Variants in ERBB4 observed in about 807,000 individuals in gnomAD.
The protein encoded by ERBB4 is erb-b2 receptor tyrosine kinase 4.
In ERBB4, 42 loss-of-function variants were observed where a neutral mutation model predicts 158.0. That is an observed-to-expected ratio of 0.27 (90% CI 0.21 to 0.34). The LOEUF (loss-of-function observed/expected upper bound fraction) is 0.34. Among genes scored for constraint, ERBB4 ranks in the 10% least tolerant of loss-of-function variants. ERBB4 has a pLI of 1.00. For synonymous variants in ERBB4, 583 were observed against 558.7 expected, an observed-to-expected ratio of 1.04 and a Z score of -0.61; for missense variants, 1,333 against 1,624.1, an observed-to-expected ratio of 0.82 and a Z score of 3.08.
intron 13 of ERBB4, among the ~76,000 whole-genome samples, chr2:211,677,042 T>C (rs1311218216): frequency 1.3e-5 from 2 of 152,186 alleles, no homozygotes; most frequent in Non-Finnish European, 2.9e-5. Context: ...TTTAAAATTT[T>C]TTATACTTAT....
chr2:211,673,824 T>C (rs571055705), intron 13 of ERBB4, among the ~76,000 whole-genome samples: 4 of 151,448 alleles, frequency 2.6e-5, no homozygotes, highest in Admixed American at 6.6e-5. Context: ...CATCTTTTTA[T>C]GGTAGATTTC....
intron 2 of ERBB4, among the ~76,000 whole-genome samples, chr2:212,124,030 G>A (rs1422811646): frequency 6.6e-6 from 1 of 152,074 alleles, no homozygotes; most frequent in Non-Finnish European, 1.5e-5. Context: ...TTTGTCAAAG[G>A]CCCCTTCAAG....
chr2:211,630,400 C>G (rs1474196690), intron 17 of ERBB4, 62 bp downstream of exon 17: 5 of 1,591,670 alleles, frequency 3.1e-6, no homozygotes, highest in Non-Finnish European at 4.3e-6. Flanking sequence ...TGAACATCAT[C>G]TAAACCTTCT....
intron 16 of ERBB4, among the ~76,000 whole-genome samples, chr2:211,631,773 A>G (rs2070141908): frequency 1.3e-5 from 2 of 152,166 alleles, no homozygotes; most frequent in Admixed American, 6.5e-5. Flanking sequence ...ATATTTGACC[A>G]GGAAGCCACA....
chr2:211,822,206 T>G (rs1342415042), intron 3 of ERBB4, among the ~76,000 whole-genome samples: 1 of 151,892 alleles, frequency 6.6e-6, no homozygotes, highest in Non-Finnish European at 1.5e-5. Context: ...TACAGCTAGA[T>G]AGCAGGGATA....
chr2:211,572,630 C>T (rs555105850), intron 19 of ERBB4, among the ~76,000 whole-genome samples: 10 of 152,180 alleles, frequency 6.6e-5, no homozygotes, highest in Admixed American at 6.5e-5. Flanking sequence ...TTTGAGGTAA[C>T]CTTCCCCTGG....
chr2:212,139,798 A>AT (rs1038188363), intron 1 of ERBB4, among the ~76,000 whole-genome samples: 2 of 152,004 alleles, frequency 1.3e-5, no homozygotes, highest in Non-Finnish European at 2.9e-5. Flanking sequence ...ACTAACTTCT[A>AT]TTTTTAATCC....
At chr2:211,738,762 G>C (rs2074692940) in intron 5 of ERBB4, among the ~76,000 whole-genome samples, 1 of 151,718 alleles carries the variant, frequency 6.6e-6, no homozygotes, top group Non-Finnish European at 1.5e-5. Context: ...TGCCTCCTGG[G>C]TTCAAGCGAT....
intron 5 of ERBB4, among the ~76,000 whole-genome samples, chr2:211,731,771 C>T (rs1159941535): frequency 6.6e-6 from 1 of 152,062 alleles, no homozygotes; most frequent in Non-Finnish European, 1.5e-5. Flanking sequence ...ACAAATAAAG[C>T]TCACAGACCA....
chr2:211,856,104 A>C (rs939194843), intron 3 of ERBB4, among the ~76,000 whole-genome samples: 1 of 152,178 alleles, frequency 6.6e-6, no homozygotes, highest in Non-Finnish European at 1.5e-5. Context: ...TATACTTCTT[A>C]AATATTATAC....
intron 1 of ERBB4, among the ~76,000 whole-genome samples, chr2:212,176,843 C>T (rs528102361): frequency 4.5e-4 from 68 of 152,044 alleles, no homozygotes; most frequent in Admixed American, 7.9e-4. Flanking sequence ...GAAGTAAGAA[C>T]TCCATCTGCT....
chr2:211,516,617 G>A (rs780510473), intron 20 of ERBB4, among the ~76,000 whole-genome samples: 3 of 152,046 alleles, frequency 2.0e-5, no homozygotes, highest in Non-Finnish European at 4.4e-5. Context: ...TTACAAACAT[G>A]AACCACTGCG....
At position 211,630,610 on chromosome 2, in the gene ERBB4, AG is replaced by A. The variant is rs766222526; in HGVS notation, c.1947-17del. On this transcript the variant is annotated splice_polypyrimidine_tract_variant and intron_variant, in intron 16 of 27. Coordinates refer to ENST00000342788, the MANE Select transcript of ERBB4 (RefSeq NM_005235.3). ...CAGGGGAGTTCTGACAACCAGAATG[AG>A]AAAAAAAAAAATAAAAAGTATGAAG... The A allele has an allele frequency of 6.4e-5, 102 of 1,599,866 alleles. No individual in the cohort carries two copies. The highest frequency in any genetic ancestry group is 8.2e-5 in the Non-Finnish European group (96 of 1,174,412).
intron 3 of ERBB4, among the ~76,000 whole-genome samples, chr2:211,919,986 T>C (rs1312708523): frequency 6.6e-6 from 1 of 152,038 alleles, no homozygotes; most frequent in Non-Finnish European, 1.5e-5. Context: ...ATCTCACATA[T>C]GACCCCTCTC....
chr2:212,341,644 T>C (rs148320979), intron 1 of ERBB4, among the ~76,000 whole-genome samples: 2 of 152,262 alleles, frequency 1.3e-5, no homozygotes, highest in African/African-American at 2.4e-5. Context: ...ATTAAAAGCC[T>C]AATATATGTC....
At chr2:211,883,269 G>A (rs1264873297) in intron 3 of ERBB4, among the ~76,000 whole-genome samples, 3 of 152,090 alleles carry the variant, frequency 2.0e-5, no homozygotes, top group Admixed American at 6.6e-5. Context: ...GACACAGGAA[G>A]GGGAACATCA....
intron 5 of ERBB4, among the ~76,000 whole-genome samples, chr2:211,745,258 G>T (rs775806308): frequency 2.0e-5 from 3 of 152,158 alleles, no homozygotes; most frequent in Non-Finnish European, 4.4e-5. Context: ...GGAATCTCTC[G>T]TGAGAGCTAA....
chr2:211,816,126 CT>C, intron 3 of ERBB4, among the ~76,000 whole-genome samples: 1 of 152,182 alleles, frequency 6.6e-6, no homozygotes, highest in East Asian at 1.9e-4. Context: ...CCAATTCTCC[CT>C]AATAAACTCC....
At chr2:212,056,213 A>C (rs2077563057) in intron 2 of ERBB4, among the ~76,000 whole-genome samples, 1 of 152,230 alleles carries the variant, frequency 6.6e-6, no homozygotes, top group Non-Finnish European at 1.5e-5. Flanking sequence ...TGAAGTGAGA[A>C]GAGAAGTTTA....
Sources: gnomAD v4.1 joint callset for allele counts (sites outside exome capture counted in the v4.1 genomes callset) on GRCh38, gnomAD v4.1.1 for gene constraint, MANE v1.5 for transcripts, NCBI Gene and HGNC (gene_info 2026-07-23, HGNC 2026-07-21) for gene names.